PACRG: variants seen among roughly 807,000 people sequenced by gnomAD.
PACRG encodes the protein parkin coregulated, also known as parkin coregulated gene protein.
Under a neutral mutation model 29.7 loss-of-function variants are expected in PACRG, and 29 were observed. The ratio of observed to expected loss-of-function variants is 0.98; its 90% confidence interval spans 0.73 to 1.33. The LOEUF (loss-of-function observed/expected upper bound fraction) is 1.33. Among genes scored for constraint, PACRG ranks in the 40% most tolerant of loss-of-function variants. The probability of loss-of-function intolerance (pLI) is 0.00; values close to 1 mark genes in which losing one functional copy is unlikely to be tolerated. For missense variants in PACRG, 279 were observed against 316.2 expected, an observed-to-expected ratio of 0.88 and a Z score of 0.89; for synonymous variants, 116 against 118.7, an observed-to-expected ratio of 0.98 and a Z score of 0.15.
chr6:163,254,355 C>A (rs1783026671), intron 4 of PACRG, among the ~76,000 whole-genome samples: 1 of 152,060 alleles, frequency 6.6e-6, no homozygotes, highest in South Asian at 2.1e-4. Context: ...GAAATTGTTT[C>A]TCACTTTAGG....
chr6:162,939,258 A>G (rs1223112720), intron 2 of PACRG, among the ~76,000 whole-genome samples: 1 of 152,220 alleles, frequency 6.6e-6, no homozygotes, highest in African/African-American at 2.4e-5. Context: ...TCAACTCAAG[A>G]TGGATCAAGG....
At chr6:162,855,441 T>A (rs73603882) in intron 2 of PACRG, among the ~76,000 whole-genome samples, 6,740 of 152,228 alleles carry the variant, frequency 0.044, 514 homozygotes, top group African/African-American at 0.15. Context: ...TGTCTTAAAT[T>A]ATATCTTATT....
intron 2 of PACRG, among the ~76,000 whole-genome samples, chr6:162,881,568 C>T (rs1246393119): frequency 6.6e-6 from 1 of 152,118 alleles, no homozygotes; most frequent in African/African-American, 2.4e-5. Context: ...GAGCACTCTT[C>T]ACCAAACTGG....
At chr6:162,877,326 A>G (rs1443349193) in intron 2 of PACRG, among the ~76,000 whole-genome samples, 3 of 152,168 alleles carry the variant, frequency 2.0e-5, no homozygotes, top group African/African-American at 7.2e-5. Context: ...TCAGCAAACT[A>G]ACACAGGAAC....
intron 1 of PACRG, among the ~76,000 whole-genome samples, chr6:162,770,665 C>T (rs1302898962): frequency 2.0e-5 from 3 of 152,112 alleles, no homozygotes; most frequent in East Asian, 1.9e-4. Context: ...TGCAGGCATC[C>T]TCCTCTTCTC....
At chr6:163,191,453 C>T (rs773195457) in intron 4 of PACRG, 15 of 351,140 alleles carry the variant, frequency 4.3e-5, no homozygotes, top group African/African-American at 1.1e-4. Flanking sequence ...CTGCTATGGC[C>T]GCTTTCTGCA....
intron 4 of PACRG, among the ~76,000 whole-genome samples, chr6:163,226,284 T>C (rs915474669): frequency 1.1e-4 from 17 of 152,198 alleles, no homozygotes; most frequent in Non-Finnish European, 2.4e-4. Flanking sequence ...GGAGATCCAC[T>C]GCAGTCTGGT....
intron 2 of PACRG, among the ~76,000 whole-genome samples, chr6:162,958,882 TATAGAGAGAGAG>T (rs1414299174): frequency 5.3e-4 from 8 of 15,114 alleles, no homozygotes; most frequent in Admixed American, 1.7e-3. Context: ...TATATATATA[TATAGAGAGAGAG>T]AGAGAGAGAG....
chr6:162,806,120 T>G (rs971680173), intron 1 of PACRG, among the ~76,000 whole-genome samples: 5 of 152,078 alleles, frequency 3.3e-5, no homozygotes, highest in African/African-American at 9.7e-5. Context: ...TTCCTTTTTT[T>G]TTTTTTAGAT....
chr6:162,911,370 T>C (rs1453751012), intron 2 of PACRG, among the ~76,000 whole-genome samples: 9 of 152,198 alleles, frequency 5.9e-5, no homozygotes, highest in East Asian at 3.9e-4. Flanking sequence ...TACTCAGACT[T>C]TAGAAACTAT....
intron 2 of PACRG, among the ~76,000 whole-genome samples, chr6:162,895,947 GC>G (rs1470023353): frequency 6.6e-6 from 1 of 152,084 alleles, no homozygotes; most frequent in African/African-American, 2.4e-5. Context: ...TTTCAGCCAG[GC>G]TTTTTTCTTC....
chr6:162,749,354 G>T (rs1000853465), intron 1 of PACRG, among the ~76,000 whole-genome samples: 3 of 152,054 alleles, frequency 2.0e-5, no homozygotes, highest in African/African-American at 7.2e-5. Context: ...GCTTTTCCTC[G>T]GCTGGCACAT....
intron 2 of PACRG, among the ~76,000 whole-genome samples, chr6:162,824,209 G>A (rs943938221): frequency 2.6e-5 from 4 of 152,224 alleles, no homozygotes; most frequent in African/African-American, 9.6e-5. Flanking sequence ...GAATGGAAGT[G>A]GATAGTGCTT....
chr6:163,147,251 GCATT>G (rs1412319720), intron 4 of PACRG, among the ~76,000 whole-genome samples: 1 of 152,174 alleles, frequency 6.6e-6, no homozygotes, highest in African/African-American at 2.4e-5. Context: ...AGCAATATGA[GCATT>G]ACAAATGGAT....
chr6:163,093,851 T>C (rs539184378), intron 4 of PACRG, among the ~76,000 whole-genome samples: 7 of 152,366 alleles, frequency 4.6e-5, no homozygotes, highest in Non-Finnish European at 2.9e-5. Context: ...CTTAAAATTT[T>C]AATTCAGATG....
intron 2 of PACRG, among the ~76,000 whole-genome samples, chr6:163,059,033 C>A (rs1431333887): frequency 6.6e-6 from 1 of 151,132 alleles, no homozygotes. Context: ...GAGCCGAGAT[C>A]GCACCACTGC....
In PACRG at chr6:163,250,883, G is replaced by GTATATATATA. The variant is rs368878258; in HGVS notation, c.614-63929_614-63920dup. On this transcript the variant is annotated intron_variant, in intron 4 of 4. Coordinates refer to ENST00000366888, the MANE Select transcript of PACRG (RefSeq NM_001080379.2). Reference sequence around the variant, plus strand: ...TCAATGAGTGGATAAAGAAATTGTTGTATATATATATATATATATATATAC... The same window carrying GTATATATATA: ...TCAATGAGTGGATAAAGAAATTGTTGTATATATATATATATATATATATATATATATATAC... Among the ~76,000 whole-genome samples the GTATATATATA allele has an allele frequency of 6.5e-3, 901 of 138,054 alleles. 10 individuals carry two copies. The highest frequency in any genetic ancestry group is 0.019 in the African/African-American group (707 of 36,484). 90.6% of individuals were successfully genotyped at this position (138,054 alleles called of 152,430 possible).
intron 1 of PACRG, among the ~76,000 whole-genome samples, chr6:162,743,832 GA>G (rs1236517525): frequency 6.6e-6 from 1 of 151,454 alleles, no homozygotes; most frequent in Non-Finnish European, 1.5e-5. Flanking sequence ...TCATGCTAAG[GA>G]AAAAAAACCC....
chr6:162,888,414 G>T (rs562816240), intron 2 of PACRG, among the ~76,000 whole-genome samples: 3 of 152,112 alleles, frequency 2.0e-5, no homozygotes, highest in Admixed American at 1.3e-4. Flanking sequence ...CCGTAGGATC[G>T]CTGGGCTGCT....
Sources: allele counts gnomAD v4.1 joint callset (sites outside exome capture counted in the v4.1 genomes callset), GRCh38; gene constraint gnomAD v4.1.1; transcripts MANE v1.5; gene names NCBI Gene and HGNC (gene_info 2026-07-23, HGNC 2026-07-21).